The following AGO1 variants were observed in gnomAD, a reference collection of about 807,000 sequenced individuals.
AGO1 encodes the protein argonaute RISC component 1, also known as protein argonaute-1.
A neutral mutation model predicts 109.2 loss-of-function variants in AGO1; 11 were observed. That is an observed-to-expected ratio of 0.10 (90% confidence interval 0.06 to 0.17). The LOEUF is 0.17. Ranked by LOEUF, AGO1 falls within the 10% of genes least tolerant of loss-of-function variation. The pLI is 1.00. For missense variants in AGO1, 574 were observed against 1,140.3 expected, an observed-to-expected ratio of 0.50 and a Z score of 7.15; for synonymous variants, 422 against 418.6, an observed-to-expected ratio of 1.01 and a Z score of -0.10.
At chr1:35,884,977 T>C (rs1020880863) in intron 1 of AGO1, among the ~76,000 whole-genome samples, 1 of 152,210 alleles carries the variant, frequency 6.6e-6, no homozygotes, top group African/African-American at 2.4e-5. Flanking sequence ...TTTTGTTTTT[T>C]TTGTAGCAGA....
chr1:35,910,712 C>T (rs1021127726), intron 12 of AGO1, among the ~76,000 whole-genome samples: 8 of 152,168 alleles, frequency 5.3e-5, no homozygotes, highest in South Asian at 2.1e-4. Context: ...AACACCATTT[C>T]CATCTATCCA....
chr1:35,914,036 G>A (rs752465657), intron 13 of AGO1, 35 bp downstream of exon 13: 1 of 1,612,444 alleles, frequency 6.2e-7, no homozygotes, highest in Admixed American at 1.7e-5. Context: ...CCTTGTCAAG[G>A]TACCATGCTG....
chr1:35,874,318 C>A (rs186171244), intron 1 of AGO1, among the ~76,000 whole-genome samples: 1 of 152,316 alleles, frequency 6.6e-6, no homozygotes, highest in Non-Finnish European at 1.5e-5. Context: ...CAGGCATGCA[C>A]CACCATGCCT....
chr1:35,878,252 T>G (rs528870162), upstream of AGO1, among the ~76,000 whole-genome samples: 108 of 151,300 alleles, frequency 7.1e-4, no homozygotes, highest in African/African-American at 2.5e-3. Flanking sequence ...CCTGGCTAAT[T>G]TTTTTTGTAT....
Position 35,925,225 on chromosome 1 carries a change from C to T in AGO1, c.*5618C>T, listed in dbSNP as rs1286980669. 3.3e-5 allele frequency: 5 copies of T among 151,200 alleles called. No homozygotes were observed. The highest frequency in any genetic ancestry group is 2.6e-4 in the Admixed American group (4 of 15,168). 9.4% of individuals were successfully genotyped at this position (151,200 alleles called of 1,614,324 possible). On this transcript the variant is annotated 3_prime_UTR_variant, in exon 19 of 19. Coordinates refer to ENST00000373204, the MANE Select transcript of AGO1 (RefSeq NM_012199.5). ...TTTTTCTGTGTGTTTTACCTTTCTA[C>T]TCCCCATCTTTTGGGGATCTTGTAA...
At chr1:35,902,682 C>T (rs553795447) in intron 11 of AGO1, among the ~76,000 whole-genome samples, 1 of 152,296 alleles carries the variant, frequency 6.6e-6, no homozygotes, top group South Asian at 2.1e-4. Context: ...TTTATATTCT[C>T]TTATTTCATC....
Position 35,914,508 on chromosome 1 carries a change from C to T in AGO1, c.1833+234C>T, listed in dbSNP as rs1645699684. 2.6e-5 allele frequency among the ~76,000 whole-genome samples: 4 copies of T among 152,184 alleles called. No individual in the cohort carries two copies. The South Asian group carries it at 8.3e-4, about 31-fold the overall frequency. The stretch of plus-strand genomic sequence containing the variant: ...CAGAGACTTGACTCATTCTGCATCA[C>T]TCTTGCTCTGCATTTGAATGTCTTT... On this transcript the variant is annotated intron_variant, in intron 14 of 18. Coordinates refer to ENST00000373204, the MANE Select transcript of AGO1 (RefSeq NM_012199.5).
intron 1 of AGO1, among the ~76,000 whole-genome samples, chr1:35,876,488 G>C (rs960100405): frequency 6.6e-6 from 1 of 152,038 alleles, no homozygotes; most frequent in East Asian, 1.9e-4. Flanking sequence ...GGATGGTCTT[G>C]ATCTCCAGAC....
At chr1:35,878,299 A>G (rs1348342355), upstream of AGO1, among the ~76,000 whole-genome samples, 1 of 150,886 alleles carries the variant, frequency 6.6e-6, no homozygotes, top group Non-Finnish European at 1.5e-5. Flanking sequence ...GTTAGCCAGG[A>G]CAGTCTCAAT....
At chr1:35,916,352 T>C (rs1417903596) in intron 15 of AGO1, among the ~76,000 whole-genome samples, 1 of 152,146 alleles carries the variant, frequency 6.6e-6, no homozygotes, top group African/African-American at 2.4e-5. Flanking sequence ...TGCTCTTAAC[T>C]GTTATGCCCA....
chr1:35,874,097 T>C, intron 1 of AGO1, among the ~76,000 whole-genome samples: 1 of 152,224 alleles, frequency 6.6e-6, no homozygotes, highest in Non-Finnish European at 1.5e-5. Flanking sequence ...ATGTTACTAT[T>C]GCAATTGTTT....
intron 1 of AGO1, among the ~76,000 whole-genome samples, chr1:35,875,226 A>G (rs1295330866): frequency 5.9e-5 from 9 of 152,240 alleles, no homozygotes; most frequent in African/African-American, 9.6e-5. Context: ...TTCAAAGCAC[A>G]GGCTAACTCT....
rs932947717 is a variant in AGO1 at position 35,922,323 on chromosome 1, T to G, written c.*2716T>G. The G allele has an allele frequency of 1.3e-5, 2 of 152,474 alleles. No homozygotes were observed. Among genetic ancestry groups the G allele is most frequent in the Non-Finnish European group, 2.9e-5 (2 of 68,040 alleles). The allele number at this position is 152,474 out of a possible 1,614,324, so 9.4% of individuals were successfully genotyped here. ...TTGTAAAAAGATAATTTTTGAGACT[T>G]GAAAAATACCCCGACCTTGAGATTA... On this transcript the variant is annotated 3_prime_UTR_variant, in exon 19 of 19. Transcript: ENST00000373204.
chr1:35,892,749 GA>G, intron 3 of AGO1, 72 bp downstream of exon 3: 1 of 1,594,928 alleles, frequency 6.3e-7, no homozygotes, highest in Non-Finnish European at 8.6e-7. Context: ...AGCCTCTTTG[GA>G]GATCCAGAGA....
At chr1:35,914,079 C>G in intron 13 of AGO1, 78 bp downstream of exon 13, 1 of 1,595,282 alleles carries the variant, frequency 6.3e-7, no homozygotes, top group Non-Finnish European at 8.6e-7. Context: ...CCTGGCCAGG[C>G]AGACTGAATC....
In AGO1 at chr1:35,883,570, G is replaced by T; in HGVS notation, c.25+124G>T. 7.3e-7 allele frequency: 1 copy of T among 1,363,806 alleles called. No individual in the cohort carries two copies. Among genetic ancestry groups the T allele is most frequent in the African/African-American group, 1.5e-5 (1 of 65,820 alleles). The allele number at this position is 1,363,806 out of a possible 1,614,324, so 84.5% of individuals were successfully genotyped here. Reference sequence around the variant, plus strand: ...GGAGAAGGGCTCTCCCACGATGGGGGCCCAGTTTGAAGGAGGCTGTGTGCA... The same window carrying T: ...GGAGAAGGGCTCTCCCACGATGGGGTCCCAGTTTGAAGGAGGCTGTGTGCA... On this transcript the variant is annotated intron_variant, in intron 1 of 18. Coordinates refer to ENST00000373204, the MANE Select transcript of AGO1 (RefSeq NM_012199.5). This position sits in a 1 kb window ranked among gnomAD's most constrained non-coding sequence, Gnocchi z 5.4.
intron 8 of AGO1, among the ~76,000 whole-genome samples, chr1:35,900,898 A>G (rs1645402581): frequency 6.6e-6 from 1 of 151,638 alleles, no homozygotes; most frequent in African/African-American, 2.4e-5. Flanking sequence ...ACAGAGCGAG[A>G]CTCTATCTCA....
At chr1:35,899,363 A>G (rs1443316843) in intron 8 of AGO1, among the ~76,000 whole-genome samples, 1 of 152,192 alleles carries the variant, frequency 6.6e-6, no homozygotes, top group Non-Finnish European at 1.5e-5. Flanking sequence ...ATGTAAAAAT[A>G]TTTGTTGAAG....
rs908631026 is a variant in AGO1 at position 35,929,717 on chromosome 1, A to G, written c.*10110A>G. On this transcript the variant is annotated 3_prime_UTR_variant, in exon 19 of 19. Transcript: ENST00000373204. ...AGAAGAAAGTAAGAATTGGAGTCAG[A>G]TGTGGTTTTGAGTCCCATACATTTA... 6.6e-6 allele frequency: 1 copy of G among 152,226 alleles called. No individual in the cohort carries two copies. The highest frequency in any genetic ancestry group is 2.4e-5 in the African/African-American group (1 of 41,450). 9.4% of individuals were successfully genotyped at this position (152,226 alleles called of 1,614,324 possible).
Sources: gnomAD v4.1 joint callset for allele counts (sites outside exome capture counted in the v4.1 genomes callset) on GRCh38, gnomAD v4.1.1 for gene constraint, Gnocchi (gnomAD v3.1) non-coding constraint, MANE v1.5 for transcripts, NCBI Gene and HGNC (gene_info 2026-07-23, HGNC 2026-07-21) for gene names.